Variants in TRPM1 observed in about 807,000 individuals in gnomAD.
TRPM1 encodes TRPM1-203 APA Isoform, Intron 10.
Under a neutral mutation model 149.4 loss-of-function variants are expected in TRPM1, and 113 were observed. That is an observed-to-expected ratio of 0.76 (90% CI 0.65 to 0.88). The LOEUF (loss-of-function observed/expected upper bound fraction) is 0.88. TRPM1 is among the 40% of genes least tolerant of loss of function. TRPM1 has a pLI of 0.00. For synonymous variants in TRPM1, 741 were observed against 759.5 expected (o/e 0.98, Z 0.40); for missense variants, 1,976 against 2,038.7 (o/e 0.97, Z 0.59).
intron 1 of TRPM1, among the ~76,000 whole-genome samples, chr15:31,086,564 C>T (rs1338930349): frequency 1.3e-5 from 2 of 152,142 alleles, no homozygotes; most frequent in Non-Finnish European, 2.9e-5. Context: ...CTTCTGGGTG[C>T]CTGTGGGTGC....
At chr15:31,117,413 G>A (rs2035814006) in intron 1 of TRPM1, among the ~76,000 whole-genome samples, 1 of 152,156 alleles carries the variant, frequency 6.6e-6, no homozygotes, top group South Asian at 2.1e-4. Flanking sequence ...TTGAACCCAG[G>A]AGGCAGAGGT....
At chr15:31,018,775 C>T (rs114743193) in intron 27 of TRPM1, among the ~76,000 whole-genome samples, 2,303 of 152,308 alleles carry the variant, frequency 0.015, 63 homozygotes, top group African/African-American at 0.052. Context: ...AAGTGATTCT[C>T]GTGCCTCAGT....
At chr15:31,032,185 A>T (rs1186349636) in intron 22 of TRPM1, among the ~76,000 whole-genome samples, 1 of 152,090 alleles carries the variant, frequency 6.6e-6, no homozygotes, top group Non-Finnish European at 1.5e-5. Flanking sequence ...TCAAAAATTG[A>T]TGTTCTCTTA....
intron 7 of TRPM1, chr15:31,065,015 G>C: frequency 1.9e-6 from 1 of 534,024 alleles, no homozygotes; most frequent in South Asian, 1.4e-5. Flanking sequence ...TCTTGGCTTA[G>C]GCTGGAGTCC....
intron 1 of TRPM1, among the ~76,000 whole-genome samples, chr15:31,146,887 C>G (rs2036230612): frequency 6.6e-6 from 1 of 151,976 alleles, no homozygotes; most frequent in African/African-American, 2.4e-5. Flanking sequence ...ACTTGGGAGA[C>G]TGAGGCAGGA....
intron 5 of TRPM1, 144 bp from the exon 6 acceptor site, chr15:31,067,331 G>A: frequency 1.6e-6 from 2 of 1,264,028 alleles, no homozygotes; most frequent in East Asian, 2.3e-5. Flanking sequence ...TTAAAACAAA[G>A]TACACTGAAA....
chr15:31,128,524 T>A (rs1315723803), intron 1 of TRPM1, among the ~76,000 whole-genome samples: 1 of 152,110 alleles, frequency 6.6e-6, no homozygotes, highest in African/African-American at 2.4e-5. Flanking sequence ...CCTCGGGAGC[T>A]CTTTGCATTC....
intron 16 of TRPM1, among the ~76,000 whole-genome samples, chr15:31,044,058 T>C (rs2033695195): frequency 6.6e-6 from 1 of 152,212 alleles, no homozygotes; most frequent in African/African-American, 2.4e-5. Flanking sequence ...GAATAAACTT[T>C]GAAATCAATA....
At chr15:31,059,435 T>TTG (rs2034167390) in intron 11 of TRPM1, among the ~76,000 whole-genome samples, 1 of 152,172 alleles carries the variant, frequency 6.6e-6, no homozygotes, top group Non-Finnish European at 1.5e-5. Flanking sequence ...AGATGGGATC[T>TTG]CATTCTCTCA....
At chr15:31,098,089 A>C (rs2035431562) in intron 1 of TRPM1, among the ~76,000 whole-genome samples, 1 of 152,204 alleles carries the variant, frequency 6.6e-6, no homozygotes, top group African/African-American at 2.4e-5. Context: ...ACACAGTTTG[A>C]AATTATGTCT....
At chr15:31,077,035 A>G (rs2034714788) in intron 2 of TRPM1, 51 bp from the exon 3 acceptor site, 2 of 1,205,512 alleles carry the variant, frequency 1.7e-6, no homozygotes, top group Admixed American at 1.7e-5. Flanking sequence ...CCAAGCCATC[A>G]TCAGAGTCCA....
chr15:31,139,397 G>A (rs969565936), intron 1 of TRPM1, among the ~76,000 whole-genome samples: 2 of 152,144 alleles, frequency 1.3e-5, no homozygotes, highest in East Asian at 3.8e-4. Context: ...AGTCTAAACA[G>A]GGGAGAGAAA....
At chr15:31,087,464 C>G (rs1410162527) in intron 1 of TRPM1, among the ~76,000 whole-genome samples, 1 of 151,680 alleles carries the variant, frequency 6.6e-6, no homozygotes, top group Non-Finnish European at 1.5e-5. Context: ...CCATGTTAGC[C>G]AGGATGGTCT....
At chr15:31,061,326 C>G in intron 10 of TRPM1, 116 bp downstream of exon 10, 1 of 1,003,744 alleles carries the variant, frequency 1.0e-6, no homozygotes, top group Non-Finnish European at 1.6e-6. Context: ...GCTCAAGTGG[C>G]CTGGCTGGCT....
At chr15:31,027,834 A>C (rs2032855895) in intron 25 of TRPM1, among the ~76,000 whole-genome samples, 1 of 152,222 alleles carries the variant, frequency 6.6e-6, no homozygotes, top group Non-Finnish European at 1.5e-5. Flanking sequence ...TACTCAACAC[A>C]ACATGCCAAA....
At chr15:31,141,652 A>G (rs2036164232) in intron 1 of TRPM1, among the ~76,000 whole-genome samples, 1 of 107,944 alleles carries the variant, frequency 9.3e-6, no homozygotes, top group Non-Finnish European at 1.9e-5. Context: ...ATGACAGGGG[A>G]AAAAAGTATA....
intron 11 of TRPM1, among the ~76,000 whole-genome samples, chr15:31,052,724 G>A (rs1219381589): frequency 6.6e-6 from 1 of 152,198 alleles, no homozygotes; most frequent in Non-Finnish European, 1.5e-5. Flanking sequence ...GCAGTGAGCT[G>A]AGATCGTGCC....
At chr15:31,046,101 A>T in intron 16 of TRPM1, 103 bp downstream of exon 16, 1 of 1,098,426 alleles carries the variant, frequency 9.1e-7, no homozygotes, top group Non-Finnish European at 1.4e-6. Context: ...CATCTAGGTA[A>T]ATTTTGGTGA....
chr15:31,134,791 C>T (rs1321282989), intron 1 of TRPM1, among the ~76,000 whole-genome samples: 3 of 152,182 alleles, frequency 2.0e-5, no homozygotes, highest in Non-Finnish European at 4.4e-5. Flanking sequence ...CACCTGTGGT[C>T]GGGAGTTTGA....
Sources: allele counts gnomAD v4.1 joint callset (sites outside exome capture counted in the v4.1 genomes callset), GRCh38; gene constraint gnomAD v4.1.1; transcripts MANE v1.5; gene names NCBI Gene and HGNC (gene_info 2026-07-23, HGNC 2026-07-21).